The following ZBTB46 variants were observed in gnomAD, a reference collection of about 807,000 sequenced individuals.
The protein encoded by ZBTB46 is zinc finger and BTB domain containing 46, also known as zinc finger and BTB domain-containing protein 46.
Under a neutral mutation model 44.1 loss-of-function variants are expected in ZBTB46, and 8 were observed. The ratio of observed to expected loss-of-function variants is 0.18; its 90% CI spans 0.11 to 0.33. ZBTB46 has a LOEUF of 0.33. Among genes scored for constraint, ZBTB46 ranks in the 10% least tolerant of loss-of-function variants. The pLI, the probability that ZBTB46 is intolerant of heterozygous loss-of-function variation, is 1.00. For missense variants in ZBTB46, 651 were observed against 847.7 expected (o/e 0.77, Z 2.88); for synonymous variants, 409 against 382.3 (o/e 1.07, Z -0.81).
intron 1 of ZBTB46, among the ~76,000 whole-genome samples, chr20:63,797,358 T>A (rs1054562583): frequency 3.3e-5 from 5 of 152,146 alleles, no homozygotes; most frequent in Non-Finnish European, 7.3e-5. Flanking sequence ...CTGCATAGTA[T>A]TCTATGGTGT....
At chr20:63,782,208 G>A (rs1009811443) in intron 2 of ZBTB46, among the ~76,000 whole-genome samples, 12 of 73,528 alleles carry the variant, frequency 1.6e-4, no homozygotes, top group East Asian at 3.4e-4. Context: ...CCCCCGAGCC[G>A]TGGTTTTGCC....
At chr20:63,753,885 C>A (rs1165778792) in intron 3 of ZBTB46, among the ~76,000 whole-genome samples, 2 of 152,220 alleles carry the variant, frequency 1.3e-5, no homozygotes, top group East Asian at 1.9e-4. Context: ...TCTTTGCAGC[C>A]CTCTGCCACC....
intron 1 of ZBTB46, among the ~76,000 whole-genome samples, chr20:63,799,731 G>A (rs543385839): frequency 6.6e-6 from 1 of 152,302 alleles, no homozygotes; most frequent in South Asian, 2.1e-4. Context: ...CATGGACAGA[G>A]GCTTCCCCAG....
At chr20:63,813,078 G>A (rs564055652) in intron 1 of ZBTB46, among the ~76,000 whole-genome samples, 1 of 138,932 alleles carries the variant, frequency 7.2e-6, no homozygotes, top group East Asian at 2.2e-4. Context: ...AGCCTGGTGA[G>A]AGTGAGACTC....
At chr20:63,823,501 A>AAAAT (rs150001627) in intron 1 of ZBTB46, among the ~76,000 whole-genome samples, 11,756 of 151,018 alleles carry the variant, frequency 0.078, 912 homozygotes, top group East Asian at 0.44. Flanking sequence ...CTGTCTCAAA[A>AAAAT]AAATAAATAA....
chr20:63,815,381 G>A (rs2092743340), intron 1 of ZBTB46, among the ~76,000 whole-genome samples: 3 of 151,460 alleles, frequency 2.0e-5, no homozygotes, highest in East Asian at 2.0e-4. Context: ...GGTGGGCACA[G>A]GTGCAGTGAG....
chr20:63,821,479 G>C (rs570000002), intron 1 of ZBTB46, among the ~76,000 whole-genome samples: 20 of 143,226 alleles, frequency 1.4e-4, no homozygotes, highest in African/African-American at 5.3e-4. Context: ...CCCTCTTGTT[G>C]CCCAGGCTGG....
intron 3 of ZBTB46, among the ~76,000 whole-genome samples, chr20:63,769,095 G>A (rs570117208): frequency 2.0e-5 from 3 of 152,348 alleles, no homozygotes; most frequent in Admixed American, 1.3e-4. Context: ...GGTGGGAGAG[G>A]AGGGCACATG....
At chr20:63,826,823 G>A (rs745638372) in intron 1 of ZBTB46, among the ~76,000 whole-genome samples, 2 of 152,180 alleles carry the variant, frequency 1.3e-5, no homozygotes, top group East Asian at 1.9e-4. Flanking sequence ...AAGGTACAAC[G>A]TGAAACTCAA....
chr20:63,824,614 C>A lies in ZBTB46; in HGVS notation c.-34+6483G>T, dbSNP rs1455506067. 4.6e-5 allele frequency among the ~76,000 whole-genome samples: 7 copies of A among 151,998 alleles called. 1 individual carries two copies. Among genetic ancestry groups the A allele is most frequent in the Admixed American group, 2.6e-4 (4 of 15,270 alleles). ...TTTCACGTGGCCAAGGAACACTTAC[C>A]GCCTTCCCCCACCCCCGTTCTTCTG... is the stretch of plus-strand genomic sequence containing the variant. On this transcript the variant is annotated intron_variant, in intron 1 of 4. Coordinates refer to ENST00000245663, the MANE Select transcript of ZBTB46 (RefSeq NM_001369741.1).
chr20:63,791,200 G>C (rs1264586344), intron 1 of ZBTB46, among the ~76,000 whole-genome samples: 1 of 152,140 alleles, frequency 6.6e-6, no homozygotes, highest in Non-Finnish European at 1.5e-5. Context: ...TAAGGAAAAA[G>C]AATAAAACTT....
intron 1 of ZBTB46, among the ~76,000 whole-genome samples, chr20:63,819,478 G>A (rs1300949304): frequency 1.3e-5 from 2 of 152,046 alleles, no homozygotes; most frequent in Admixed American, 6.6e-5. Flanking sequence ...TTCCTGTGAG[G>A]GCTCTGCCAT....
At chr20:63,774,527 G>GACTC (rs1360947257) in intron 3 of ZBTB46, among the ~76,000 whole-genome samples, 1 of 151,918 alleles carries the variant, frequency 6.6e-6, no homozygotes, top group Non-Finnish European at 1.5e-5. Flanking sequence ...TCTCATGCCG[G>GACTC]ACTCGCTCCC....
intron 4 of ZBTB46, among the ~76,000 whole-genome samples, chr20:63,749,711 A>G (rs1406848905): frequency 6.6e-6 from 1 of 152,248 alleles, no homozygotes; most frequent in African/African-American, 2.4e-5. Context: ...TTCCCAGCAC[A>G]GTAACCTGGT....
chr20:63,793,961 T>G (rs1457941188), intron 1 of ZBTB46, among the ~76,000 whole-genome samples: 1 of 151,166 alleles, frequency 6.6e-6, no homozygotes, highest in African/African-American at 2.4e-5. Context: ...CCGAGGCGGG[T>G]GGATCATGAG....
chr20:63,821,588 T>C (rs747354522), intron 1 of ZBTB46, among the ~76,000 whole-genome samples: 2 of 152,076 alleles, frequency 1.3e-5, no homozygotes, highest in Admixed American at 6.6e-5. Context: ...TACAGGTGTG[T>C]GCCACCACGC....
chr20:63,765,929 C>T (rs536379228), intron 3 of ZBTB46, among the ~76,000 whole-genome samples: 27 of 152,194 alleles, frequency 1.8e-4, no homozygotes, highest in Non-Finnish European at 2.8e-4. Context: ...ACTCTTTCAG[C>T]AAAATGGTAC....
intron 3 of ZBTB46, among the ~76,000 whole-genome samples, chr20:63,755,079 T>A (rs547452858): frequency 6.6e-6 from 1 of 152,350 alleles, no homozygotes; most frequent in East Asian, 1.9e-4. Flanking sequence ...AGAATGGACA[T>A]GAGCAGGACT....
intron 2 of ZBTB46, among the ~76,000 whole-genome samples, chr20:63,777,577 G>A (rs1418481111): frequency 2.0e-5 from 3 of 152,178 alleles, no homozygotes; most frequent in South Asian, 2.1e-4. Context: ...GGAGCAGGTC[G>A]GCAGGTCCTC....
Sources: gnomAD v4.1 joint callset for allele counts (sites outside exome capture counted in the v4.1 genomes callset) on GRCh38, gnomAD v4.1.1 for gene constraint, MANE v1.5 for transcripts, NCBI Gene and HGNC (gene_info 2026-07-23, HGNC 2026-07-21) for gene names.